Variants in UBXN1 observed in about 807,000 individuals in gnomAD.
UBXN1 encodes the protein UBX domain-containing protein 1.
In UBXN1, 21 loss-of-function variants were observed where a neutral mutation model predicts 42.0. The ratio of observed to expected loss-of-function variants is 0.50; its 90% CI spans 0.35 to 0.72. UBXN1 has a LOEUF of 0.72. UBXN1 is among the 30% of genes least tolerant of loss of function. UBXN1 has a pLI of 0.00. For missense variants in UBXN1, 374 were observed against 382.2 expected, an observed-to-expected ratio of 0.98 and a Z score of 0.18; for synonymous variants, 172 against 142.6, an observed-to-expected ratio of 1.21 and a Z score of -1.47.
rs1298128977 is a variant in UBXN1 at position 62,677,101 on chromosome 11, A to G, written c.652-96T>C. On this transcript the variant is annotated intron_variant, in intron 7 of 8. Coordinates refer to ENST00000301935, the MANE Select transcript of UBXN1 (RefSeq NM_001286077.2). Reference sequence around the variant, plus strand: ...GCTAAAGCTGGGCCCCCTTCTTCTTAGATTGAACCAGCACAACTACTATTT... The same window carrying G: ...GCTAAAGCTGGGCCCCCTTCTTCTTGGATTGAACCAGCACAACTACTATTT... The G allele has an allele frequency of 7.3e-6, 10 of 1,363,446 alleles. No homozygotes were observed. In the African/African-American group the frequency reaches 1.5e-4, roughly 20 times the overall value. 84.5% of individuals were successfully genotyped at this position (1,363,446 alleles called of 1,614,324 possible). A position where few individuals can be genotyped will look rare whatever the true frequency, so the allele number is the denominator to read the frequency against.
chr11:62,677,382 G>A (rs552043232), intron 7 of UBXN1, 136 bp downstream of exon 7: 26 of 894,238 alleles, frequency 2.9e-5, no homozygotes, highest in Middle Eastern at 3.2e-4. Flanking sequence ...CAAGAGTAGA[G>A]ATAGGATTTC....
Position 62,678,857 on chromosome 11 carries a change from TC to T in UBXN1, c.59+7del, listed in dbSNP as rs1437103718. 1 of 1,606,532 alleles carries T rather than the reference TC, an allele frequency of 6.2e-7. No homozygotes were observed. ...CACCCGCAGGCCGGGGTTGGGGAAC[TC>T]CCTTACGCGCGTCCCCTGGGGAAGC... On this transcript the variant is annotated splice_region_variant and intron_variant, in intron 1 of 8. Coordinates refer to ENST00000301935, the MANE Select transcript of UBXN1 (RefSeq NM_001286077.2).
In UBXN1 at chr11:62,678,723, G is replaced by T. The variant is rs758877383; in HGVS notation, c.80C>A (p.Thr27Lys). The change falls in exon 2 of 9, where the codon ACA becomes AAA. Residue 27 changes from threonine (T) to lysine (K), a missense_variant. Coordinates refer to ENST00000301935, the MANE Select transcript of UBXN1 (RefSeq NM_001286077.2). ...RGRAEKALAL[T>K]GNQGIEAAMD... ...CGCAGCCTCGATGCCCTGGTTCCCT[G>T]TGAGGGCCAGAGCCTTCTCCCTGGG... 4.3e-6 allele frequency: 7 copies of T among 1,612,554 alleles called. No individual in the cohort carries two copies. The highest frequency in any genetic ancestry group is 5.9e-6 in the Non-Finnish European group (7 of 1,179,918).
rs1159724408 is a variant in UBXN1, at chr11:62,678,951, A to T, written c.-28T>A. 6.4e-7 allele frequency: 1 copy of T among 1,560,822 alleles called. No homozygotes were observed. The highest frequency in any genetic ancestry group is 1.9e-5 in the Admixed American group (1 of 52,958). On this transcript the variant is annotated 5_prime_UTR_variant, in exon 1 of 9. Coordinates refer to ENST00000301935, the MANE Select transcript of UBXN1 (RefSeq NM_001286077.2). ...CGCCGACACCGCGGCTTCCGCGGGG[A>T]CCTGGTGTGTGACGAGAAGGAGGGC...
chr11:62,677,811 G>A lies in UBXN1; in HGVS notation c.504C>T (p.Ile168=), dbSNP rs1294711576. 2 of 1,614,070 alleles carry A rather than the reference G, an allele frequency of 1.2e-6. No individual in the cohort carries two copies. Among genetic ancestry groups the A allele is most frequent in the Non-Finnish European group, 1.7e-6 (2 of 1,180,006 alleles). The change falls in exon 6 of 9, where the codon ATC becomes ATT. Residue 168 remains isoleucine (I), a synonymous_variant. Coordinates refer to ENST00000301935, the MANE Select transcript of UBXN1 (RefSeq NM_001286077.2). ...LAARQRVREK[I]ERDKAERAKK... ...TGGCTCTCTCTGCTTTGTCCCTCTCGATCTTTTCTCTAACTCTTTGTCTGA... is the reference window on the plus strand; with the variant it reads ...TGGCTCTCTCTGCTTTGTCCCTCTCAATCTTTTCTCTAACTCTTTGTCTGA...
chr11:62,676,993 C>G lies in UBXN1; in HGVS notation c.664G>C (p.Asp222His). 1 of 1,609,518 alleles carries G rather than the reference C, an allele frequency of 6.2e-7. No individual in the cohort carries two copies. Among genetic ancestry groups the G allele is most frequent in the Non-Finnish European group, 8.5e-7 (1 of 1,179,678 alleles). ...AACGTCTGGGTCAGTGAGGTCCCAT[C>G]TGGCAGCCTGACCTAAAGGGCAAGG... ...DQCRIQVRLP[D>H]GTSLTQTFRA... The change falls in exon 8 of 9, where the codon GAT (aspartate) becomes CAT (histidine). Residue 222 changes from aspartate (D) to histidine (H), a missense_variant. Physicochemically the swap from Asp to His is moderately conservative, Grantham distance 81. Coordinates refer to ENST00000301935, the MANE Select transcript of UBXN1 (RefSeq NM_001286077.2).
intron 4 of UBXN1, 54 bp from the exon 5 acceptor site, chr11:62,678,172 A>C (rs1424735580): frequency 6.2e-7 from 1 of 1,607,004 alleles, no homozygotes; most frequent in Admixed American, 1.7e-5. Context: ...GGGAAGGTGT[A>C]AAGTTTACAA....
chr11:62,676,755 A>AG, intron 8 of UBXN1, 58 bp downstream of exon 8: 2 of 1,614,018 alleles, frequency 1.2e-6, no homozygotes, highest in Non-Finnish European at 1.7e-6. Context: ...TCCTTTTCCT[A>AG]GGCATGCCTC....
At chr11:62,677,246 AC>A in intron 7 of UBXN1, 1 of 613,282 alleles carries the variant, frequency 1.6e-6, no homozygotes, top group Non-Finnish European at 2.8e-6. Context: ...CTGGATAAAT[AC>A]CACATCACCA....
chr11:62,678,229 G>C, intron 4 of UBXN1, 110 bp downstream of exon 4: 1 of 1,605,138 alleles, frequency 6.2e-7, no homozygotes, highest in Non-Finnish European at 8.5e-7. Context: ...TAAAGGAAAA[G>C]AAAATGCCAA....
rs1302934989 is a variant in UBXN1 at position 62,677,079 on chromosome 11, A to G, written c.652-74T>C. 2.0e-6 allele frequency: 3 copies of G among 1,500,504 alleles called. No individual in the cohort carries two copies. The African/African-American group carries it at 4.2e-5, about 21-fold the overall frequency. 92.9% of individuals were successfully genotyped at this position (1,500,504 alleles called of 1,614,324 possible). ...AGGTGCCCAAGTAAGGAAAAGAGCT[A>G]AAGCTGGGCCCCCTTCTTCTTAGAT... On this transcript the variant is annotated intron_variant, in intron 7 of 8. Transcript: ENST00000301935.
intron 7 of UBXN1, 87 bp from the exon 8 acceptor site, chr11:62,677,092 C>T (rs775531422): frequency 2.3e-4 from 337 of 1,442,510 alleles, no homozygotes; most frequent in Non-Finnish European, 2.9e-4. Context: ...GCTGGGCCCC[C>T]TTCTTCTTAG....
Position 62,676,591 on chromosome 11 carries a change from C to T in UBXN1, c.893G>A (p.Ter298=). 6.2e-7 allele frequency: 1 copy of T among 1,603,252 alleles called. No homozygotes were observed. Among genetic ancestry groups the T allele is most frequent in the African/African-American group, 1.3e-5 (1 of 74,758 alleles). Residue 298 remains the stop codon, a stop_retained_variant, in exon 9 of 9, where the codon TGA becomes TAA. Coordinates refer to ENST00000301935, the MANE Select transcript of UBXN1 (RefSeq NM_001286077.2). ...AGAGGGACAATGGGACAAAGGCCCT[C>T]AGCTGGGACATTTCTTGGCCACAAT... The part of the protein sequence containing the change: ...VLIVAKKCPS[*]
At chr11:62,678,265 G>A (rs115234949) in intron 4 of UBXN1, 74 bp downstream of exon 4, 1 of 1,606,484 alleles carries the variant, frequency 6.2e-7, no homozygotes, top group African/African-American at 1.3e-5. Context: ...GAAAGGTCAA[G>A]GTTCTTTGAC....
At position 62,677,528 on chromosome 11, in the gene UBXN1, C is replaced by G. The variant is rs781459232; in HGVS notation, c.641G>C (p.Cys214Ser). ...EPPTKREYDQ[C>S]RIQVRLPDGT... ...AATTAGAATCAGTACCTGTATGCGA[C>G]ACTGGTCATACTCCCGCTTGGTGGG... The change falls in exon 7 of 9, where the codon TGT becomes TCT. Residue 214 changes from cysteine (C) to serine (S), a missense_variant. Coordinates refer to ENST00000301935, the MANE Select transcript of UBXN1 (RefSeq NM_001286077.2). 2 of 1,614,040 alleles carry G rather than the reference C, an allele frequency of 1.2e-6. No individual in the cohort carries two copies. Among genetic ancestry groups the G allele is most frequent in the Non-Finnish European group, 1.7e-6 (2 of 1,180,002 alleles).
At chr11:62,676,710 C>T in intron 8 of UBXN1, 71 bp from the exon 9 acceptor site, 1 of 1,614,108 alleles carries the variant, frequency 6.2e-7, no homozygotes, top group Non-Finnish European at 8.5e-7. Flanking sequence ...CCTGGCCTTG[C>T]ACCATGTTCA....
rs757606772 is a variant in UBXN1 at position 62,676,559 on chromosome 11, G to A, written c.*31C>T. On this transcript the variant is annotated 3_prime_UTR_variant, in exon 9 of 9. Transcript: ENST00000301935. ...TGTCAGTGCTTTATCAAAGATGAAGGGGTCACAGAGGGACAATGGGACAAA... is the reference window on the plus strand; with the variant it reads ...TGTCAGTGCTTTATCAAAGATGAAGAGGTCACAGAGGGACAATGGGACAAA... The A allele has an allele frequency of 6.4e-7, 1 of 1,565,732 alleles. No homozygotes were observed. Among genetic ancestry groups the A allele is most frequent in the Non-Finnish European group, 8.6e-7 (1 of 1,158,850 alleles).
chr11:62,678,511 C>T lies in UBXN1; in HGVS notation c.204G>A (p.Glu68=). The T allele has an allele frequency of 6.2e-7, 1 of 1,611,936 alleles. No homozygotes were observed. Among genetic ancestry groups the T allele is most frequent in the Admixed American group, 1.7e-5 (1 of 59,438 alleles). Reference sequence around the variant, plus strand: ...AGTCAGGACCTTCAAGGCCGCCTTGCTCTGAGGAAGTGGGCTCCCGTCCCA... The same window carrying T: ...AGTCAGGACCTTCAAGGCCGCCTTGTTCTGAGGAAGTGGGCTCCCGTCCCA... ...HILGREPTSS[E]QGGLEGSGSA... The change falls in exon 3 of 9, where the codon GAG becomes GAA. Residue 68 remains glutamate (E), a synonymous_variant. Coordinates refer to ENST00000301935, the MANE Select transcript of UBXN1 (RefSeq NM_001286077.2).
intron 6 of UBXN1, 73 bp from the exon 7 acceptor site, chr11:62,677,707 C>T: frequency 3.7e-6 from 6 of 1,613,258 alleles, no homozygotes; most frequent in Non-Finnish European, 5.1e-6. Flanking sequence ...TAAGCCCATG[C>T]TTTCCCTCTG....
Sources: allele counts gnomAD v4.1 joint callset, GRCh38; gene constraint gnomAD v4.1.1; transcripts MANE v1.5; gene names NCBI Gene and HGNC (gene_info 2026-07-23, HGNC 2026-07-21).